Variants in SLC2A12 observed in about 807,000 individuals in gnomAD.
SLC2A12 encodes the protein solute carrier family 2, facilitated glucose transporter member 12.
A neutral mutation model predicts 41.8 loss-of-function variants in SLC2A12; 23 were observed. That is an observed-to-expected ratio of 0.55 (90% CI 0.40 to 0.78). The LOEUF is 0.78. Ranked by LOEUF, SLC2A12 falls within the 30% of genes least tolerant of loss-of-function variation. The pLI is 0.00. For missense variants in SLC2A12, 654 were observed against 745.6 expected, an observed-to-expected ratio of 0.88 and a Z score of 1.43; for synonymous variants, 295 against 285.9, an observed-to-expected ratio of 1.03 and a Z score of -0.32.
In SLC2A12 at chr6:133,987,648, G is replaced by A. The variant is rs57298113; in HGVS notation, c.*3507C>T. 0.063 allele frequency: 5,553 copies of A among 88,034 alleles called. 324 individuals are homozygous for A. The highest frequency in any genetic ancestry group is 0.18 in the African/African-American group (4,874 of 27,300). The allele number at this position is 88,034 out of a possible 1,614,324, so 5.5% of individuals were successfully genotyped here. A position where few individuals can be genotyped will look rare whatever the true frequency, so the allele number is the denominator to read the frequency against. ...TTTGTGTGTGTGTGTGTGTGTGTGT[G>A]TATATATATATATATATATGCACCA... On this transcript the variant is annotated 3_prime_UTR_variant, in exon 5 of 5. Coordinates refer to ENST00000275230, the MANE Select transcript of SLC2A12 (RefSeq NM_145176.3).
chr6:134,039,108 A>G (rs1209969194), intron 1 of SLC2A12, among the ~76,000 whole-genome samples: 1 of 152,232 alleles, frequency 6.6e-6, no homozygotes, highest in Non-Finnish European at 1.5e-5. Context: ...CATTCAGGAA[A>G]GATTTCCTCT....
At chr6:134,008,480 C>G (rs991513472) in intron 2 of SLC2A12, among the ~76,000 whole-genome samples, 2 of 152,102 alleles carry the variant, frequency 1.3e-5, no homozygotes, top group African/African-American at 2.4e-5. Context: ...AACTAGGAAA[C>G]CGCATGTCTG....
rs750011612 is a variant in SLC2A12 at position 134,029,581 on chromosome 6, C to T, written c.244G>A (p.Val82Ile). Residue 82 changes from valine (V) to isoleucine (I), a missense_variant, in exon 2 of 5, where the codon GTT (valine) becomes ATT (isoleucine). Coordinates refer to ENST00000275230, the MANE Select transcript of SLC2A12 (RefSeq NM_145176.3). ...LALSCHEQEM[V>I]VSSLVIGALL... is the part of the protein sequence containing the mutation. ...GCTCCAATGACGAGGGAGCTCACAA[C>T]CATTTCCTGCTCATGGCAGCTCAGG... The T allele has an allele frequency of 6.2e-7, 1 of 1,614,096 alleles. No individual in the cohort carries two copies. Among genetic ancestry groups the T allele is most frequent in the Non-Finnish European group, 8.5e-7 (1 of 1,180,002 alleles).
intron 1 of SLC2A12, among the ~76,000 whole-genome samples, chr6:134,035,841 C>G (rs997943209): frequency 6.6e-6 from 1 of 152,164 alleles, no homozygotes; most frequent in Admixed American, 6.5e-5. Context: ...CCTATCAAAG[C>G]TGTGATTCAA....
chr6:134,050,179 T>C (rs1008849169), intron 1 of SLC2A12, among the ~76,000 whole-genome samples: 1 of 152,220 alleles, frequency 6.6e-6, no homozygotes, highest in African/African-American at 2.4e-5. Flanking sequence ...ATACAGCAAG[T>C]CTGCACTATG....
chr6:134,024,416 A>C (rs116220009), intron 2 of SLC2A12, among the ~76,000 whole-genome samples: 35 of 152,318 alleles, frequency 2.3e-4, no homozygotes, highest in African/African-American at 8.4e-4. Context: ...CTGTGCCTTG[A>C]TTAATAAATT....
At chr6:134,051,980 C>G (rs1773690264) in intron 1 of SLC2A12, among the ~76,000 whole-genome samples, 1 of 152,142 alleles carries the variant, frequency 6.6e-6, no homozygotes, top group Non-Finnish European at 1.5e-5. Context: ...AAAGTGTAAG[C>G]AAGCGTGTGC....
chr6:134,035,432 G>T (rs1777283238), intron 1 of SLC2A12, among the ~76,000 whole-genome samples: 1 of 150,978 alleles, frequency 6.6e-6, no homozygotes, highest in African/African-American at 2.5e-5. Flanking sequence ...ACACAGTGAG[G>T]CCCAAAAAAT....
intron 4 of SLC2A12, among the ~76,000 whole-genome samples, chr6:133,996,642 G>A (rs999809130): frequency 6.6e-5 from 10 of 152,122 alleles, no homozygotes; most frequent in Non-Finnish European, 1.0e-4. Context: ...CATCAGGACG[G>A]TTACCTTGGT....
In SLC2A12 at chr6:134,015,021, A is replaced by G. The variant is rs139453493; in HGVS notation, c.1445-8087T>C. Among the ~76,000 whole-genome samples, 611 of 152,336 alleles carry G rather than the reference A, an allele frequency of 4.0e-3. 3 individuals carry two copies. The highest frequency in any genetic ancestry group is 0.013 in the African/African-American group (556 of 41,580). On this transcript the variant is annotated intron_variant, in intron 2 of 4. Coordinates refer to ENST00000275230, the MANE Select transcript of SLC2A12 (RefSeq NM_145176.3). The stretch of plus-strand genomic sequence containing the variant: ...TGCAAAGTTAATACAGAACCACATG[A>G]ATGCTGTTTTCCATATAATAATTCA...
chr6:133,992,991 C>T (rs1052021631), intron 4 of SLC2A12, among the ~76,000 whole-genome samples: 1 of 152,206 alleles, frequency 6.6e-6, no homozygotes, highest in Non-Finnish European at 1.5e-5. Flanking sequence ...CTTCTGTCCT[C>T]TCATTCCGCT....
chr6:134,022,541 AAGAAAAG>A, intron 2 of SLC2A12, among the ~76,000 whole-genome samples: 1 of 24,662 alleles, frequency 4.1e-5, no homozygotes. Flanking sequence ...CAAAAAAGAA[AAGAAAAG>A]AAAAGAAAAG....
intron 3 of SLC2A12, among the ~76,000 whole-genome samples, chr6:134,006,181 A>C (rs189647711): frequency 1.1e-3 from 156 of 142,842 alleles, no homozygotes; most frequent in African/African-American, 3.9e-3. Context: ...TATCGGAAAA[A>C]AAAAAAAAAA....
intron 2 of SLC2A12, among the ~76,000 whole-genome samples, chr6:134,018,444 G>A (rs1037245172): frequency 1.3e-5 from 2 of 152,072 alleles, no homozygotes; most frequent in African/African-American, 4.8e-5. Flanking sequence ...CCAAAGCCTG[G>A]TCCACATTCA....
intron 2 of SLC2A12, among the ~76,000 whole-genome samples, chr6:134,007,811 C>T (rs571247858): frequency 2.0e-5 from 3 of 152,278 alleles, no homozygotes; most frequent in South Asian, 2.1e-4. Flanking sequence ...AAGGTGGGAA[C>T]TATTACGAAA....
chr6:133,995,444 T>C (rs908761221), intron 4 of SLC2A12, among the ~76,000 whole-genome samples: 5 of 152,058 alleles, frequency 3.3e-5, no homozygotes, highest in Non-Finnish European at 7.4e-5. Flanking sequence ...CCCCTGATTA[T>C]GTCCATTTTC....
intron 3 of SLC2A12, among the ~76,000 whole-genome samples, chr6:134,006,193 C>CA (rs571711008): frequency 5.8e-4 from 70 of 121,598 alleles, no homozygotes; most frequent in Non-Finnish European, 8.2e-4. Context: ...AAAAAAAAAA[C>CA]AAAAAAAAAA....
chr6:134,031,044 G>A (rs1777198217), intron 1 of SLC2A12, among the ~76,000 whole-genome samples: 1 of 152,154 alleles, frequency 6.6e-6, no homozygotes, highest in African/African-American at 2.4e-5. Flanking sequence ...TGTTAAGAGT[G>A]GAACTGGAGA....
intron 4 of SLC2A12, among the ~76,000 whole-genome samples, chr6:133,997,921 G>A (rs1215975862): frequency 6.6e-6 from 1 of 152,106 alleles, no homozygotes; most frequent in African/African-American, 2.4e-5. Context: ...ATGTAAAATT[G>A]TTTTGCCATC....
Sources: gnomAD v4.1 joint callset for allele counts (sites outside exome capture counted in the v4.1 genomes callset) on GRCh38, gnomAD v4.1.1 for gene constraint, MANE v1.5 for transcripts, NCBI Gene and HGNC (gene_info 2026-07-23, HGNC 2026-07-21) for gene names.